The following SLC75A1 variants were observed in gnomAD, a reference collection of about 807,000 sequenced individuals.
The protein encoded by SLC75A1 is major facilitator superfamily domain containing 10.
the SLC75A1 span, chr4:2,933,845 C>T: frequency 6.9e-6 from 11 of 1,589,196 alleles, no homozygotes; most frequent in Non-Finnish European, 9.4e-6. Flanking sequence ...AGAAAGACAA[C>T]GGTGACCACG....
chr4:2,932,133 C>T, the SLC75A1 span: 7 of 1,608,752 alleles, frequency 4.4e-6, no homozygotes, highest in Non-Finnish European at 5.9e-6. Flanking sequence ...CATCACGGAA[C>T]CCCAGGGCGA....
At chr4:2,931,814 T>C in the SLC75A1 span, 5 of 1,589,634 alleles carry the variant, frequency 3.1e-6, no homozygotes, top group African/African-American at 1.3e-5. Flanking sequence ...CGTCGCCAGA[T>C]GGGGACCCAC....
the SLC75A1 span, chr4:2,931,026 C>T: frequency 6.2e-7 from 1 of 1,610,328 alleles, no homozygotes; most frequent in Non-Finnish European, 8.5e-7. Context: ...GGTGCTTGGC[C>T]CCCAGCCTGC....
At chr4:2,933,440 G>T in the SLC75A1 span, 1 of 1,076,012 alleles carries the variant, frequency 9.3e-7, no homozygotes, top group Non-Finnish European at 1.4e-6. Flanking sequence ...GTGGGCAAGG[G>T]CACCAGACAT....
the SLC75A1 span, chr4:2,931,501 G>A: frequency 1.3e-6 from 2 of 1,591,328 alleles, no homozygotes; most frequent in Non-Finnish European, 1.7e-6. Context: ...CACAGCCCGT[G>A]CCCTGCAGGA....
chr4:2,932,718 CG>C, the SLC75A1 span: 2 of 1,597,288 alleles, frequency 1.3e-6, no homozygotes, highest in African/African-American at 1.3e-5. Context: ...CGCAAAGCTC[CG>C]AGAGGTGGCC....
the SLC75A1 span, chr4:2,931,252 G>T: frequency 6.4e-7 from 1 of 1,563,604 alleles, no homozygotes; most frequent in Non-Finnish European, 8.7e-7. Context: ...CGGAGGACAG[G>T]CAGGGCACCA....
the SLC75A1 span, chr4:2,933,955 T>TG: frequency 6.5e-7 from 1 of 1,540,538 alleles, no homozygotes; most frequent in Non-Finnish European, 8.7e-7. Context: ...CTGGGTGGGG[T>TG]GCGGCGGGTC....
the SLC75A1 span, chr4:2,931,482 C>A: frequency 5.7e-6 from 9 of 1,581,608 alleles, no homozygotes; most frequent in Non-Finnish European, 7.7e-6. Context: ...GTGGGCACGG[C>A]AGCCTCAGCA....
chr4:2,932,317 C>T, the SLC75A1 span: 3,827 of 1,599,362 alleles, frequency 2.4e-3, 29 homozygotes, highest in South Asian at 0.01. Flanking sequence ...AGCCTCCAGC[C>T]CCTAGGCCTG....
the SLC75A1 span, chr4:2,932,819 G>A: frequency 6.6e-7 from 1 of 1,515,156 alleles, no homozygotes; most frequent in Non-Finnish European, 8.8e-7. Flanking sequence ...GTGGCTCAGA[G>A]TAGGGCTTGG....
the SLC75A1 span, chr4:2,933,022 C>T: frequency 2.9e-6 from 4 of 1,375,202 alleles, no homozygotes; most frequent in Admixed American, 7.8e-5. Flanking sequence ...CCCACAGCCA[C>T]CTCCCTCTCC....
chr4:2,934,157 C>T, the SLC75A1 span: 2 of 589,934 alleles, frequency 3.4e-6, no homozygotes, highest in East Asian at 2.8e-5. Flanking sequence ...AAAAAATAGC[C>T]GCAAAGGCAA....
the SLC75A1 span, chr4:2,932,193 T>C: frequency 1.8e-5 from 29 of 1,571,828 alleles, no homozygotes; most frequent in East Asian, 5.3e-4. Context: ...GAGCGGCTGC[T>C]GGCCTGGCAA....
At chr4:2,933,180 G>T in the SLC75A1 span, 1 of 1,613,670 alleles carries the variant, frequency 6.2e-7, no homozygotes, top group African/African-American at 1.3e-5. Flanking sequence ...CACAGAAACT[G>T]CAGGACAGAG....
the SLC75A1 span, chr4:2,933,717 GC>G: frequency 6.2e-7 from 1 of 1,608,144 alleles, no homozygotes; most frequent in Non-Finnish European, 8.5e-7. Context: ...GGCCTGGGGG[GC>G]AGGGGGCACT....
At chr4:2,934,248 C>G in the SLC75A1 span, 7 of 337,412 alleles carry the variant, frequency 2.1e-5, no homozygotes, top group African/African-American at 1.3e-4. Flanking sequence ...GCCCTCGTAA[C>G]AGCGAGAGAA....
the SLC75A1 span, chr4:2,931,435 G>A: frequency 1.3e-6 from 2 of 1,559,866 alleles, no homozygotes; most frequent in Non-Finnish European, 1.7e-6. Flanking sequence ...CAGCCGATGA[G>A]GAGGAAGGCG....
At chr4:2,932,525 C>T in the SLC75A1 span, 1 of 1,613,354 alleles carries the variant, frequency 6.2e-7, no homozygotes. Context: ...AGGGAAAAGA[C>T]CACCCGAGCT....
Sources: allele counts gnomAD v4.1 joint callset, GRCh38; gene constraint gnomAD v4.1.1; transcripts MANE v1.5; gene names NCBI Gene and HGNC (gene_info 2026-07-23, HGNC 2026-07-21).